The following AJAP1 variants were observed in gnomAD, a reference collection of about 807,000 sequenced individuals.
AJAP1 encodes the protein adherens junction-associated protein 1.
Under a neutral mutation model 35.0 loss-of-function variants are expected in AJAP1, and 5 were observed. The ratio of observed to expected loss-of-function variants is 0.14; its 90% CI spans 0.07 to 0.30. AJAP1 has a LOEUF of 0.30. AJAP1 is among the 10% of genes least tolerant of loss of function. The pLI is 1.00. For synonymous variants in AJAP1, 284 were observed against 249.3 expected (o/e 1.14, Z -1.31); for missense variants, 586 against 571.0 (o/e 1.03, Z -0.27).
chr1:4,709,649 G>A (rs1339077326), intron 1 of AJAP1, among the ~76,000 whole-genome samples: 1 of 152,212 alleles, frequency 6.6e-6, no homozygotes, highest in Non-Finnish European at 1.5e-5. Context: ...CTACCTTAGT[G>A]TGTATATGGG....
chr1:4,679,852 T>TGTGTGTGTGTAG (rs1553154879), intron 1 of AJAP1, among the ~76,000 whole-genome samples: 4 of 141,104 alleles, frequency 2.8e-5, no homozygotes, highest in Non-Finnish European at 4.7e-5. Context: ...TGTGTGTGTG[T>TGTGTGTGTGTAG]AGAGAGAGAT....
chr1:4,699,755 A>G (rs1013248232), intron 1 of AJAP1, among the ~76,000 whole-genome samples: 3 of 152,108 alleles, frequency 2.0e-5, no homozygotes, highest in African/African-American at 7.2e-5. Context: ...TTGTATTTTT[A>G]AGAGACTTCA....
intron 1 of AJAP1, among the ~76,000 whole-genome samples, chr1:4,682,175 G>A (rs369009676): frequency 2.0e-5 from 3 of 152,316 alleles, no homozygotes; most frequent in African/African-American, 7.2e-5. Flanking sequence ...TAAACTTGCA[G>A]GCTGCATGCA....
In AJAP1 at chr1:4,791,495, C is replaced by G. The variant is rs1157684588; in HGVS notation, c.*9010C>G. ...ACAGAGATCTCGCCATGGTTAGCACCAGGGACAAGTCTGGCTCTAATGTAT... is the reference window on the plus strand; with the variant it reads ...ACAGAGATCTCGCCATGGTTAGCACGAGGGACAAGTCTGGCTCTAATGTAT... On this transcript the variant is annotated 3_prime_UTR_variant, in exon 6 of 6. Transcript: ENST00000378191. 6.6e-6 allele frequency: 1 copy of G among 152,184 alleles called. No homozygotes were observed. Among genetic ancestry groups the G allele is most frequent in the Non-Finnish European group, 1.5e-5 (1 of 68,030 alleles). 9.4% of individuals were successfully genotyped at this position (152,184 alleles called of 1,614,324 possible).
Position 4,711,983 on chromosome 1 carries a change from T to A in AJAP1, c.113T>A (p.Leu38Gln). The change falls in exon 2 of 6, where the codon CTG becomes CAG. Residue 38 changes from leucine (L) to glutamine (Q), a missense_variant. By Grantham distance (113) the Leu-to-Gln change is moderately radical. Transcript: ENST00000378191. ...GCCATGTTTCAGCTCGCCGTGGACCTGCCCGCCTGTGAGGCCCTGGGCCCG... is the reference window on the plus strand; with the variant it reads ...GCCATGTTTCAGCTCGCCGTGGACCAGCCCGCCTGTGAGGCCCTGGGCCCG... The part of the protein sequence containing the change: ...LIAMFQLAVD[L>Q]PACEALGPGP... The A allele has an allele frequency of 6.3e-7, 1 of 1,591,596 alleles. No homozygotes were observed. The highest frequency in any genetic ancestry group is 8.5e-7 in the Non-Finnish European group (1 of 1,172,924).
In AJAP1 at chr1:4,693,649, A is replaced by G. The variant is rs1639793246; in HGVS notation, c.30-18251A>G. Among the ~76,000 whole-genome samples the G allele has an allele frequency of 1.3e-5, 2 of 152,164 alleles. No individual in the cohort carries two copies. Among genetic ancestry groups the G allele is most frequent in the Non-Finnish European group, 2.9e-5 (2 of 68,028 alleles). On this transcript the variant is annotated intron_variant, in intron 1 of 5. Coordinates refer to ENST00000378191, the MANE Select transcript of AJAP1 (RefSeq NM_018836.4). The surrounding 1 kb of genome is among the most constrained non-coding windows in gnomAD (Gnocchi z 4.4). ...TTATGCGGCTCTAACAATATATGTG[A>G]GACTGGGCATTTTATAAAAAGCAGA... is the stretch of plus-strand genomic sequence containing the variant.
At chr1:4,669,611 T>G (rs770038914) in intron 1 of AJAP1, among the ~76,000 whole-genome samples, 24 of 152,188 alleles carry the variant, frequency 1.6e-4, no homozygotes, top group Admixed American at 3.3e-4. Flanking sequence ...ATTGTGGGGA[T>G]TATTACAATT....
intron 2 of AJAP1, among the ~76,000 whole-genome samples, chr1:4,744,621 A>ATATGCACACATGCCCACATGCT (rs1641146690): frequency 1.0e-5 from 1 of 99,884 alleles, no homozygotes; most frequent in Non-Finnish European, 2.2e-5. Context: ...GCCCACATGC[A>ATATGCACACATGCCCACATGCT]TATGCACACA....
At chr1:4,709,301 G>A (rs1640169262) in intron 1 of AJAP1, among the ~76,000 whole-genome samples, 1 of 151,676 alleles carries the variant, frequency 6.6e-6, no homozygotes, top group African/African-American at 2.4e-5. Context: ...AGTGGGGCCT[G>A]GTGAAGCCTG....
chr1:4,668,712 G>T (rs565036943), intron 1 of AJAP1, among the ~76,000 whole-genome samples: 1 of 152,170 alleles, frequency 6.6e-6, no homozygotes, highest in Non-Finnish European at 1.5e-5. Flanking sequence ...CTCTGTTTCC[G>T]CAGGTTGTGC....
At chr1:4,690,725 G>C (rs1013026972) in intron 1 of AJAP1, among the ~76,000 whole-genome samples, 1 of 152,146 alleles carries the variant, frequency 6.6e-6, no homozygotes, top group South Asian at 2.1e-4. Flanking sequence ...GCTGTCCCAG[G>C]CCACACGGTC....
intron 2 of AJAP1, among the ~76,000 whole-genome samples, chr1:4,762,938 G>A (rs1180023543): frequency 6.6e-6 from 1 of 152,174 alleles, no homozygotes; most frequent in South Asian, 2.1e-4. Context: ...TGGCTCCAAG[G>A]TGTTAGCCCC....
chr1:4,670,286 C>G lies in AJAP1; in HGVS notation c.29+14832C>G, dbSNP rs1269928097. Among the ~76,000 whole-genome samples the G allele has an allele frequency of 3.3e-5, 5 of 152,168 alleles. No individual in the cohort carries two copies. In the East Asian group the frequency reaches 9.6e-4, roughly 29 times the overall value. On this transcript the variant is annotated intron_variant, in intron 1 of 5. Coordinates refer to ENST00000378191, the MANE Select transcript of AJAP1 (RefSeq NM_018836.4). ...GGAGGAGGCTCAGTGAGAAGCAGCA[C>G]TTTTTATCAGCTCTGCACTAAAGAG...
At chr1:4,726,221 G>A (rs1010453013) in intron 2 of AJAP1, among the ~76,000 whole-genome samples, 3 of 152,202 alleles carry the variant, frequency 2.0e-5, no homozygotes, top group Admixed American at 2.0e-4. Context: ...AGAGAGCTGG[G>A]CACAGGGGCA....
At chr1:4,709,765 G>T (rs4654593) in intron 1 of AJAP1, among the ~76,000 whole-genome samples, 19,422 of 152,262 alleles carry the variant, frequency 0.13, 1,427 homozygotes, top group Admixed American at 0.23. Flanking sequence ...CAGAAACACC[G>T]TGCTGAGGAT....
chr1:4,711,051 G>A (rs1640220298), intron 1 of AJAP1: 1 of 152,258 alleles, frequency 6.6e-6, no homozygotes, highest in Admixed American at 6.5e-5. Context: ...GGATAACAGG[G>A]TTTCAAAGGG....
rs1421046523 is a variant in AJAP1 at position 4,783,706 on chromosome 1, G to T, written c.*1221G>T. On this transcript the variant is annotated 3_prime_UTR_variant, in exon 6 of 6. Coordinates refer to ENST00000378191, the MANE Select transcript of AJAP1 (RefSeq NM_018836.4). The stretch of plus-strand genomic sequence containing the variant: ...GCCTGAGCCCCTGGTTGGGTGGGTG[G>T]TGGATTCTTGGACGTGTGTGTCATA... 1.3e-5 allele frequency: 2 copies of T among 151,642 alleles called. No homozygotes were observed. The highest frequency in any genetic ancestry group is 4.9e-5 in the African/African-American group (2 of 41,212). 9.4% of individuals were successfully genotyped at this position (151,642 alleles called of 1,614,324 possible).
intron 2 of AJAP1, among the ~76,000 whole-genome samples, chr1:4,761,643 G>A (rs1230120385): frequency 2.6e-5 from 4 of 152,200 alleles, no homozygotes; most frequent in African/African-American, 9.7e-5. Flanking sequence ...AAGGGGAATT[G>A]ACTCGCACGT....
chr1:4,707,974 G>GTTTT (rs765313378), intron 1 of AJAP1, among the ~76,000 whole-genome samples: 1 of 134,738 alleles, frequency 7.4e-6, no homozygotes, highest in Non-Finnish European at 1.6e-5. Context: ...TTTTTTTTTT[G>GTTTT]TTTTTTTTTT....
Sources: allele counts gnomAD v4.1 joint callset (sites outside exome capture counted in the v4.1 genomes callset), GRCh38; gene constraint gnomAD v4.1.1; non-coding constraint Gnocchi (gnomAD v3.1); transcripts MANE v1.5; gene names NCBI Gene and HGNC (gene_info 2026-07-23, HGNC 2026-07-21).